The following DENND1A variants were observed in gnomAD, a reference collection of about 807,000 sequenced individuals.
The protein encoded by DENND1A is DENN domain-containing protein 1A.
In DENND1A, 51 loss-of-function variants were observed where a neutral mutation model predicts 113.7. The ratio of observed to expected loss-of-function variants is 0.45; its 90% confidence interval spans 0.36 to 0.57. DENND1A has a LOEUF of 0.57. DENND1A is among the 20% of genes least tolerant of loss of function. The pLI is 0.00. For synonymous variants in DENND1A, 565 were observed against 570.8 expected, an observed-to-expected ratio of 0.99 and a Z score of 0.14; for missense variants, 1,258 against 1,395.9, an observed-to-expected ratio of 0.90 and a Z score of 1.57.
chr9:123,447,273 C>T (rs1351287615), intron 18 of DENND1A, among the ~76,000 whole-genome samples: 1 of 152,222 alleles, frequency 6.6e-6, no homozygotes, highest in Non-Finnish European at 1.5e-5. Context: ...CTCCATTTAT[C>T]TAGAGAAATA....
rs138950178 is a variant in DENND1A, at chr9:123,419,495, C to T, written c.1489-7666G>A. Among the ~76,000 whole-genome samples the T allele has an allele frequency of 3.6e-3, 547 of 152,350 alleles. 3 individuals are homozygous for T. Among genetic ancestry groups the T allele is most frequent in the Middle Eastern group, 6.8e-3 (2 of 294 alleles). ...GAGCAAATTCACAATTAAACTCTGT[C>T]GCTGTTTAATGAGGAGAGTGTTCAC... is the stretch of plus-strand genomic sequence containing the variant. On this transcript the variant is annotated intron_variant, in intron 19 of 23. Transcript: ENST00000394215.
intron 3 of DENND1A, among the ~76,000 whole-genome samples, chr9:123,789,986 TG>T (rs1310696159): frequency 2.0e-5 from 2 of 101,278 alleles, no homozygotes; most frequent in Non-Finnish European, 3.8e-5. Flanking sequence ...GGGGAATTTG[TG>T]TGTGTGTGTG....
chr9:123,398,536 G>A (rs1043055284), intron 21 of DENND1A, among the ~76,000 whole-genome samples: 6 of 151,508 alleles, frequency 4.0e-5, no homozygotes, highest in African/African-American at 1.2e-4. Flanking sequence ...CACCATGCCC[G>A]GCTAATTTTT....
At chr9:123,746,519 T>C (rs762074468) in intron 5 of DENND1A, among the ~76,000 whole-genome samples, 2 of 152,298 alleles carry the variant, frequency 1.3e-5, no homozygotes, top group African/African-American at 4.8e-5. Flanking sequence ...TTTTGGAATA[T>C]TTGCAGAATA....
At chr9:123,866,450 G>A (rs1845805990) in intron 2 of DENND1A, among the ~76,000 whole-genome samples, 1 of 152,196 alleles carries the variant, frequency 6.6e-6, no homozygotes, top group Non-Finnish European at 1.5e-5. Context: ...AAGAAAATTA[G>A]TCAGTTCAGG....
At chr9:123,752,286 T>A (rs1335704905) in intron 5 of DENND1A, among the ~76,000 whole-genome samples, 2 of 152,242 alleles carry the variant, frequency 1.3e-5, no homozygotes, top group African/African-American at 4.8e-5. Flanking sequence ...CCAAGTGTTA[T>A]GTATTGCCCA....
At chr9:123,744,887 T>G (rs770622708) in intron 5 of DENND1A, among the ~76,000 whole-genome samples, 32 of 151,348 alleles carry the variant, frequency 2.1e-4, no homozygotes, top group Non-Finnish European at 3.1e-4. Context: ...GCAATTCTTC[T>G]GCCTCAGTCT....
At chr9:123,695,064 C>T (rs1441481973) in intron 5 of DENND1A, among the ~76,000 whole-genome samples, 1 of 152,162 alleles carries the variant, frequency 6.6e-6, no homozygotes, top group East Asian at 1.9e-4. Flanking sequence ...ACAACTTACT[C>T]TCATGCTGGA....
chr9:123,383,706 G>C lies in DENND1A; in HGVS notation c.1968C>G (p.Asp656Glu). The change falls in exon 23 of 24, where the codon GAC becomes GAG. Residue 656 changes from aspartate to glutamate, a missense_variant. By Grantham distance (45) the Asp-to-Glu change is conservative. Around this residue, in one of 2 missense-constraint regions of DENND1A, gnomAD observed 1,159 missense variants for 1,231.7 expected, o/e 0.94. Transcript: ENST00000394215. ...QPLGQAKSLE[D>E]LRAPKDLREQ... is the part of the protein sequence containing the mutation. ...CCCTCAGGTCTTTGGGGGCACGAAG[G>C]TCCTCTAAGCTCTTGGCCTGGCCCA... 2 of 1,614,132 alleles carry C rather than the reference G, an allele frequency of 1.2e-6. No individual in the cohort carries two copies. The highest frequency in any genetic ancestry group is 1.7e-6 in the Non-Finnish European group (2 of 1,180,030).
chr9:123,438,218 A>G (rs1189682281), intron 19 of DENND1A, among the ~76,000 whole-genome samples: 1 of 152,146 alleles, frequency 6.6e-6, no homozygotes, highest in Admixed American at 6.5e-5. Flanking sequence ...ACCCGGGAAA[A>G]GACTCAAGGA....
intron 10 of DENND1A, among the ~76,000 whole-genome samples, chr9:123,624,767 T>A (rs2061124531): frequency 6.6e-6 from 1 of 152,186 alleles, no homozygotes; most frequent in Non-Finnish European, 1.5e-5. Flanking sequence ...TTGGTCAGGC[T>A]GGTAACAGTT....
intron 20 of DENND1A, among the ~76,000 whole-genome samples, chr9:123,407,986 C>A (rs1213377413): frequency 1.3e-5 from 2 of 152,226 alleles, no homozygotes; most frequent in African/African-American, 2.4e-5. Context: ...TTCTTCTGCT[C>A]TTTCTTTTTT....
At chr9:123,451,808 A>AT (rs2047738371) in intron 17 of DENND1A, among the ~76,000 whole-genome samples, 1 of 152,220 alleles carries the variant, frequency 6.6e-6, no homozygotes, top group Non-Finnish European at 1.5e-5. Flanking sequence ...ACCAGTTATA[A>AT]TAATCTGCTA....
chr9:123,559,891 C>T (rs568257668), intron 12 of DENND1A, among the ~76,000 whole-genome samples: 2 of 152,336 alleles, frequency 1.3e-5, no homozygotes, highest in East Asian at 3.9e-4. Context: ...TCTGTCTCTA[C>T]AGGTTGGCCT....
intron 10 of DENND1A, among the ~76,000 whole-genome samples, chr9:123,627,340 C>T (rs2061272009): frequency 1.3e-5 from 2 of 152,178 alleles, no homozygotes; most frequent in African/African-American, 4.8e-5. Flanking sequence ...CTTCGACACC[C>T]AATTGTTTGA....
intron 19 of DENND1A, among the ~76,000 whole-genome samples, chr9:123,438,691 G>T (rs2046702673): frequency 6.6e-6 from 1 of 152,162 alleles, no homozygotes; most frequent in Non-Finnish European, 1.5e-5. Flanking sequence ...ATCCTCTCCA[G>T]TTTGCAGACC....
intron 9 of DENND1A, among the ~76,000 whole-genome samples, chr9:123,650,034 G>A (rs1280971156): frequency 4.6e-5 from 7 of 152,136 alleles, no homozygotes; most frequent in South Asian, 2.1e-4. Flanking sequence ...CCACTGAGAC[G>A]ATGTCATGTT....
chr9:123,730,250 T>C (rs982075021), intron 5 of DENND1A, among the ~76,000 whole-genome samples: 1 of 152,102 alleles, frequency 6.6e-6, no homozygotes, highest in African/African-American at 2.4e-5. Flanking sequence ...AAGCCAAAAT[T>C]GGCAAATGGG....
chr9:123,656,094 G>A (rs928221626), intron 8 of DENND1A, among the ~76,000 whole-genome samples: 4 of 152,242 alleles, frequency 2.6e-5, no homozygotes, highest in Non-Finnish European at 2.9e-5. Flanking sequence ...ATATGCAGGG[G>A]AAGGCTGGAG....
Sources: allele counts gnomAD v4.1 joint callset (sites outside exome capture counted in the v4.1 genomes callset), GRCh38; gene constraint gnomAD v4.1.1; regional missense constraint gnomAD v4.1.1; transcripts MANE v1.5; gene names NCBI Gene and HGNC (gene_info 2026-07-23, HGNC 2026-07-21).